Variants in NMNAT3 observed in about 807,000 individuals in gnomAD.
NMNAT3 encodes the protein nicotinamide nucleotide adenylyltransferase 3, also known as nicotinamide/nicotinic acid mononucleotide adenylyltransferase 3.
In NMNAT3, 21 loss-of-function variants were observed where a neutral mutation model predicts 24.8. The observed-to-expected ratio is 0.85, with a 90% CI of 0.60 to 1.22. NMNAT3 has a LOEUF of 1.22. Ranked by LOEUF, NMNAT3 falls within the 50% of genes most tolerant of loss-of-function variation. The pLI is 0.00. For synonymous variants in NMNAT3, 136 were observed against 155.2 expected, an observed-to-expected ratio of 0.88 and a Z score of 0.92; for missense variants, 387 against 436.6, an observed-to-expected ratio of 0.89 and a Z score of 1.01.
chr3:139,655,216 T>C (rs1416349842), intron 1 of NMNAT3, among the ~76,000 whole-genome samples: 2 of 152,204 alleles, frequency 1.3e-5, no homozygotes, highest in Admixed American at 6.5e-5. Context: ...TGCGCCAGCC[T>C]GCCAAGGGCC....
At chr3:139,605,131 C>T (rs914301686) in intron 3 of NMNAT3, among the ~76,000 whole-genome samples, 47 of 152,114 alleles carry the variant, frequency 3.1e-4, no homozygotes, top group Non-Finnish European at 3.7e-4. Context: ...GCACATCCAC[C>T]GATAGCAAGA....
intron 3 of NMNAT3, among the ~76,000 whole-genome samples, chr3:139,615,059 T>A (rs531862132): frequency 6.6e-5 from 10 of 152,236 alleles, no homozygotes; most frequent in Non-Finnish European, 1.3e-4. Flanking sequence ...AGACTGTAAA[T>A]GTATTAAATG....
At chr3:139,591,817 G>A (rs1383940890) in intron 3 of NMNAT3, among the ~76,000 whole-genome samples, 1 of 152,214 alleles carries the variant, frequency 6.6e-6, no homozygotes. Flanking sequence ...AAACCCATCT[G>A]TACTTCACCA....
chr3:139,621,476 A>C (rs1351556331), intron 3 of NMNAT3, among the ~76,000 whole-genome samples: 6 of 152,168 alleles, frequency 3.9e-5, no homozygotes, highest in African/African-American at 1.4e-4. Context: ...GGTTCAACTG[A>C]TTCTCATGCC....
chr3:139,568,696 G>T (rs1228237485), intron 6 of NMNAT3: 1 of 152,164 alleles, frequency 6.6e-6, no homozygotes, highest in Non-Finnish European at 1.5e-5. Context: ...ATTGCACTGT[G>T]GTCTGAGGGA....
chr3:139,580,386 G>A (rs140080695), intron 4 of NMNAT3, among the ~76,000 whole-genome samples: 2 of 152,136 alleles, frequency 1.3e-5, no homozygotes, highest in Admixed American at 6.5e-5. Context: ...GCCTCCCAAA[G>A]TGCTGGGATT....
At chr3:139,585,047 T>C (rs2053873768) in intron 3 of NMNAT3, among the ~76,000 whole-genome samples, 2 of 152,226 alleles carry the variant, frequency 1.3e-5, no homozygotes, top group South Asian at 4.1e-4. Flanking sequence ...AAAAAATATA[T>C]ATTCTGCTGT....
intron 1 of NMNAT3, among the ~76,000 whole-genome samples, chr3:139,656,650 G>T (rs113134115): frequency 0.022 from 3,319 of 152,178 alleles, 140 homozygotes; most frequent in African/African-American, 0.077. Context: ...AAAATAGCTG[G>T]ATGTAGTGGT....
chr3:139,648,603 C>T (rs2056949505), intron 1 of NMNAT3, among the ~76,000 whole-genome samples: 1 of 152,172 alleles, frequency 6.6e-6, no homozygotes, highest in Non-Finnish European at 1.5e-5. Flanking sequence ...GATGTGTAGG[C>T]ATGTACATGT....
intron 3 of NMNAT3, among the ~76,000 whole-genome samples, chr3:139,615,725 CGTG>C (rs1559913347): frequency 2.6e-4 from 40 of 151,926 alleles, no homozygotes; most frequent in Non-Finnish European, 5.1e-4. Flanking sequence ...AGAATGCTAG[CGTG>C]TGTATCAGGA....
chr3:139,581,419 G>C (rs2053607945), intron 4 of NMNAT3, among the ~76,000 whole-genome samples: 2 of 150,682 alleles, frequency 1.3e-5, no homozygotes, highest in South Asian at 4.2e-4. Context: ...TGAAATAGTA[G>C]AAAATGGGAA....
intron 5 of NMNAT3, among the ~76,000 whole-genome samples, chr3:139,578,550 G>A (rs747171352): frequency 1.4e-4 from 22 of 152,152 alleles, no homozygotes; most frequent in Non-Finnish European, 2.5e-4. Flanking sequence ...TGTCTCAGAG[G>A]CTTCAGATCA....
chr3:139,574,155 G>T (rs1221587622), intron 5 of NMNAT3, among the ~76,000 whole-genome samples: 3 of 152,236 alleles, frequency 2.0e-5, no homozygotes, highest in African/African-American at 7.2e-5. Flanking sequence ...CCCACAGCTA[G>T]CTCCCAGAAA....
intron 6 of NMNAT3, among the ~76,000 whole-genome samples, chr3:139,563,253 A>C (rs886732773): frequency 6.6e-6 from 1 of 152,218 alleles, no homozygotes; most frequent in African/African-American, 2.4e-5. Flanking sequence ...GCATCTGTGA[A>C]GTTTTACTCC....
chr3:139,676,106 C>T (rs2057920696), intron 1 of NMNAT3, among the ~76,000 whole-genome samples: 1 of 152,224 alleles, frequency 6.6e-6, no homozygotes, highest in South Asian at 2.1e-4. Context: ...TTCCCTCCAA[C>T]ACCCTCTGTT....
intron 1 of NMNAT3, among the ~76,000 whole-genome samples, chr3:139,658,868 C>G (rs2057328061): frequency 7.3e-6 from 1 of 137,000 alleles, no homozygotes; most frequent in Non-Finnish European, 1.5e-5. Context: ...TCCAACCCCT[C>G]TCAACATATA....
chr3:139,609,425 A>AT (rs750509712), intron 3 of NMNAT3, among the ~76,000 whole-genome samples: 3 of 152,054 alleles, frequency 2.0e-5, no homozygotes, highest in Non-Finnish European at 4.4e-5. Context: ...TATCTTAGCC[A>AT]TTTTGGCAGG....
chr3:139,587,556 T>G (rs1228196579), intron 3 of NMNAT3, among the ~76,000 whole-genome samples: 4 of 151,918 alleles, frequency 2.6e-5, no homozygotes, highest in Admixed American at 1.3e-4. Flanking sequence ...CTTGGGGAGG[T>G]AGGCAGGAAA....
In NMNAT3 at chr3:139,560,987, T is replaced by G. The variant is rs779072223; in HGVS notation, c.*23A>C. 3.1e-6 allele frequency: 5 copies of G among 1,594,088 alleles called. No homozygotes were observed. On this transcript the variant is annotated 3_prime_UTR_variant, in exon 7 of 7. Transcript: ENST00000643695. Reference sequence around the variant, plus strand: ...CCCAGCAGGAGCTTGTTGGAGGAGGTGTGGGTGCTGAGTCCCCCCTCCCTA... The same window carrying G: ...CCCAGCAGGAGCTTGTTGGAGGAGGGGTGGGTGCTGAGTCCCCCCTCCCTA...
Sources: allele counts gnomAD v4.1 joint callset (sites outside exome capture counted in the v4.1 genomes callset), GRCh38; gene constraint gnomAD v4.1.1; transcripts MANE v1.5; gene names NCBI Gene and HGNC (gene_info 2026-07-23, HGNC 2026-07-21).